NHEJ1: variants seen among roughly 807,000 people sequenced by gnomAD.
The protein encoded by NHEJ1 is non-homologous end joining factor 1, also known as non-homologous end-joining factor 1.
In NHEJ1, 22 loss-of-function variants were observed where a neutral mutation model predicts 39.4. The ratio of observed to expected loss-of-function variants is 0.56; its 90% CI spans 0.40 to 0.80. The LOEUF (loss-of-function observed/expected upper bound fraction) is 0.80, where lower values mean the gene tolerates loss of function less well. Among genes scored for constraint, NHEJ1 ranks in the 30% least tolerant of loss-of-function variants. NHEJ1 has a pLI of 0.00. For synonymous variants in NHEJ1, 154 were observed against 135.6 expected (o/e 1.14, Z -0.94); for missense variants, 329 against 357.1 (o/e 0.92, Z 0.63).
intron 1 of NHEJ1, chr2:219,158,692 C>T: frequency 2.7e-6 from 1 of 370,300 alleles, no homozygotes; most frequent in South Asian, 2.5e-5. Flanking sequence ...ACGTGGAAAC[C>T]TAAACCCTTC....
intron 5 of NHEJ1, among the ~76,000 whole-genome samples, chr2:219,088,879 C>T (rs1949135696): frequency 6.6e-6 from 1 of 152,202 alleles, no homozygotes; most frequent in Admixed American, 6.5e-5. Flanking sequence ...GTGGCGTGAT[C>T]TCAGCTCACC....
chr2:219,113,571 T>C (rs1949384698), intron 5 of NHEJ1, among the ~76,000 whole-genome samples: 1 of 152,202 alleles, frequency 6.6e-6, no homozygotes, highest in African/African-American at 2.4e-5. Flanking sequence ...AGATAAGTGA[T>C]AAGCCTCCAA....
chr2:219,113,971 C>T (rs1001227329), intron 5 of NHEJ1, among the ~76,000 whole-genome samples: 5 of 152,272 alleles, frequency 3.3e-5, no homozygotes, highest in Admixed American at 2.6e-4. Flanking sequence ...ATATTCTCAT[C>T]CAAACAAAAC....
intron 5 of NHEJ1, among the ~76,000 whole-genome samples, chr2:219,096,147 T>C (rs1428246652): frequency 6.6e-6 from 1 of 152,230 alleles, no homozygotes; most frequent in African/African-American, 2.4e-5. Flanking sequence ...TCTCTTGCTA[T>C]TTACGTATTT....
chr2:219,078,309 T>A, intron 5 of NHEJ1, 103 bp from the exon 6 acceptor site: 1 of 1,009,276 alleles, frequency 9.9e-7, no homozygotes, highest in Non-Finnish European at 1.6e-6. Flanking sequence ...TGAATTAATA[T>A]AAAGCAGTTA....
In NHEJ1 at chr2:219,158,284, C is replaced by CCTTG. The variant is rs777740338; in HGVS notation, c.75_78dup (p.Val27GlnfsTer22). On this transcript the variant is annotated frameshift_variant, in exon 2 of 8. Transcript: ENST00000356853. LOFTEE classifies it high-confidence loss of function. ...GCATAGCCCTGCTTGGTGATAAAAA[C>CCTTG]CTTGGCCAAGAGGGAGTTCTCTGCA... 6.2e-7 allele frequency: 1 copy of CCTTG among 1,614,180 alleles called. No homozygotes were observed. Among genetic ancestry groups the CCTTG allele is most frequent in the African/African-American group, 1.3e-5 (1 of 75,022 alleles).
intron 5 of NHEJ1, among the ~76,000 whole-genome samples, chr2:219,097,270 TAGG>T (rs1949217281): frequency 1.3e-5 from 2 of 152,216 alleles, no homozygotes; most frequent in African/African-American, 4.8e-5. Flanking sequence ...GACATCTGTA[TAGG>T]AGAACAAGGA....
chr2:219,078,388 T>C (rs1949033986), intron 5 of NHEJ1, among the ~76,000 whole-genome samples, 182 bp from the exon 6 acceptor site: 1 of 152,220 alleles, frequency 6.6e-6, no homozygotes. Context: ...GGACATCTCC[T>C]CTGAAGGGCA....
At chr2:219,092,082 G>C (rs1215100890) in intron 5 of NHEJ1, among the ~76,000 whole-genome samples, 2 of 152,124 alleles carry the variant, frequency 1.3e-5, no homozygotes, top group Non-Finnish European at 2.9e-5. Flanking sequence ...TCTGCTTTGA[G>C]AGAAGAGCAG....
chr2:219,091,329 A>G (rs1182040724), intron 5 of NHEJ1, among the ~76,000 whole-genome samples: 1 of 152,140 alleles, frequency 6.6e-6, no homozygotes, highest in Non-Finnish European at 1.5e-5. Flanking sequence ...TAGGGTAAAC[A>G]GCATAACCTC....
At chr2:219,147,044 A>G (rs1949747788) in intron 4 of NHEJ1, among the ~76,000 whole-genome samples, 1 of 152,242 alleles carries the variant, frequency 6.6e-6, no homozygotes, top group Non-Finnish European at 1.5e-5. Context: ...TAAACTCCCA[A>G]GTCCATGTTG....
chr2:219,098,370 T>C (rs1005345865), intron 5 of NHEJ1, among the ~76,000 whole-genome samples: 3 of 152,156 alleles, frequency 2.0e-5, no homozygotes, highest in Admixed American at 6.5e-5. Flanking sequence ...AACAATCTTA[T>C]AGAAAACAAA....
intron 5 of NHEJ1, among the ~76,000 whole-genome samples, chr2:219,100,850 AT>A (rs771216848): frequency 1.3e-5 from 2 of 152,146 alleles, no homozygotes; most frequent in Non-Finnish European, 2.9e-5. Flanking sequence ...ATCCATTCAT[AT>A]TTCTTCCTCT....
At chr2:219,101,197 C>A (rs1287740241) in intron 5 of NHEJ1, among the ~76,000 whole-genome samples, 2 of 152,140 alleles carry the variant, frequency 1.3e-5, no homozygotes, top group Non-Finnish European at 2.9e-5. Context: ...TCACTGCAAC[C>A]TCTGCCTCCC....
At chr2:219,082,459 A>G (rs1949075899) in intron 5 of NHEJ1, among the ~76,000 whole-genome samples, 2 of 152,218 alleles carry the variant, frequency 1.3e-5, no homozygotes. Context: ...GCTTCCAATT[A>G]GCATTTTCAA....
chr2:219,129,619 A>G (rs1367996475), intron 5 of NHEJ1, among the ~76,000 whole-genome samples: 1 of 152,212 alleles, frequency 6.6e-6, no homozygotes, highest in Non-Finnish European at 1.5e-5. Flanking sequence ...GACTCCCCCC[A>G]CTCCAGGCCT....
intron 5 of NHEJ1, among the ~76,000 whole-genome samples, chr2:219,100,020 G>C (rs780500932): frequency 3.3e-5 from 5 of 152,154 alleles, no homozygotes; most frequent in Non-Finnish European, 5.9e-5. Flanking sequence ...GGGTGGTATA[G>C]TGGAGGCAGA....
At chr2:219,097,595 G>T (rs1949220632) in intron 5 of NHEJ1, among the ~76,000 whole-genome samples, 1 of 152,154 alleles carries the variant, frequency 6.6e-6, no homozygotes, top group Non-Finnish European at 1.5e-5. Context: ...TCAACTCCAA[G>T]ATTTTTAACC....
chr2:219,122,622 T>C (rs1949482125), intron 5 of NHEJ1, among the ~76,000 whole-genome samples: 2 of 152,188 alleles, frequency 1.3e-5, no homozygotes, highest in African/African-American at 4.8e-5. Flanking sequence ...AAATGCTTTT[T>C]CTCCTGGCCC....
Sources: gnomAD v4.1 joint callset for allele counts (sites outside exome capture counted in the v4.1 genomes callset) on GRCh38, gnomAD v4.1.1 for gene constraint, MANE v1.5 for transcripts, NCBI Gene and HGNC (gene_info 2026-07-23, HGNC 2026-07-21) for gene names.